Variants in LRRC1 observed in about 807,000 individuals in gnomAD.
The protein encoded by LRRC1 is leucine rich repeat containing 1.
A neutral mutation model predicts 69.9 loss-of-function variants in LRRC1; 28 were observed. That is an observed-to-expected ratio of 0.40 (90% CI 0.30 to 0.55). The LOEUF is 0.55. Ranked by LOEUF, LRRC1 falls within the 20% of genes least tolerant of loss-of-function variation. The pLI, the probability that LRRC1 is intolerant of heterozygous loss-of-function variation, is 0.47. For missense variants in LRRC1, 498 were observed against 609.0 expected (o/e 0.82, Z 1.92); for synonymous variants, 236 against 240.2 (o/e 0.98, Z 0.16).
At chr6:53,869,493 CTTGTAA>C (rs1466888870) in intron 2 of LRRC1, among the ~76,000 whole-genome samples, 2 of 152,154 alleles carry the variant, frequency 1.3e-5, no homozygotes, top group African/African-American at 2.4e-5. Flanking sequence ...TATAGTATCT[CTTGTAA>C]GAGATGTGGC....
chr6:53,869,776 C>G (rs1332345369), intron 2 of LRRC1, among the ~76,000 whole-genome samples: 1 of 152,054 alleles, frequency 6.6e-6, no homozygotes, highest in African/African-American at 2.4e-5. Flanking sequence ...ACAGATCTTA[C>G]AAAGGTGAAG....
chr6:53,917,844 A>G (rs1768616500), intron 11 of LRRC1, among the ~76,000 whole-genome samples: 1 of 152,258 alleles, frequency 6.6e-6, no homozygotes, highest in Non-Finnish European at 1.5e-5. Flanking sequence ...TTAACAGTGT[A>G]TAATGCCTAT....
At chr6:53,796,658 A>G (rs1764311896) in intron 1 of LRRC1, among the ~76,000 whole-genome samples, 1 of 152,170 alleles carries the variant, frequency 6.6e-6, no homozygotes, top group Admixed American at 6.5e-5. Context: ...TTCTTGGATT[A>G]ACTTTCCTGG....
intron 4 of LRRC1, among the ~76,000 whole-genome samples, chr6:53,886,785 T>C (rs1381528962): frequency 2.0e-5 from 3 of 152,182 alleles, no homozygotes; most frequent in Non-Finnish European, 4.4e-5. Context: ...ACAGGTGAAA[T>C]AGATCCCAGA....
intron 1 of LRRC1, among the ~76,000 whole-genome samples, chr6:53,810,877 A>C (rs1001187828): frequency 2.0e-5 from 3 of 152,114 alleles, no homozygotes; most frequent in African/African-American, 7.2e-5. Context: ...CTTCTCTGTG[A>C]AACCCTCCCA....
chr6:53,872,937 A>G (rs748998575), intron 2 of LRRC1, among the ~76,000 whole-genome samples: 2 of 151,600 alleles, frequency 1.3e-5, no homozygotes, highest in Non-Finnish European at 2.9e-5. Context: ...TTGTATTTTT[A>G]GTAGAGATGG....
At chr6:53,849,788 A>G (rs1766068133) in intron 2 of LRRC1, among the ~76,000 whole-genome samples, 1 of 152,204 alleles carries the variant, frequency 6.6e-6, no homozygotes, top group African/African-American at 2.4e-5. Context: ...TGTCGGCTCA[A>G]AGTGAATAAT....
At position 53,883,637 on chromosome 6, in the gene LRRC1, A is replaced by C. The variant is rs573977911; in HGVS notation, c.446+661A>C. On this transcript the variant is annotated intron_variant, in intron 4 of 13. Transcript: ENST00000370888. ...CGAACTAGTTGAATTATCTTTGCAG[A>C]CTTTTTTCACTTTTTCAGGACATAC... is the stretch of plus-strand genomic sequence containing the variant. 2.6e-5 allele frequency among the ~76,000 whole-genome samples: 4 copies of C among 152,324 alleles called. No homozygotes were observed. In the East Asian group the frequency reaches 7.7e-4, roughly 29 times the overall value.
chr6:53,886,321 T>G (rs1295139734), intron 4 of LRRC1, among the ~76,000 whole-genome samples: 1 of 152,158 alleles, frequency 6.6e-6, no homozygotes, highest in East Asian at 1.9e-4. Context: ...CCCAAAACAC[T>G]TCTAGTATCA....
chr6:53,882,830 T>A, intron 3 of LRRC1, 57 bp from the exon 4 acceptor site: 1 of 1,018,944 alleles, frequency 9.8e-7, no homozygotes, highest in Non-Finnish European at 1.5e-6. Flanking sequence ...ATGCTTGGTA[T>A]ACACTATACA....
chr6:53,921,193 C>G (rs1341753374), intron 13 of LRRC1, among the ~76,000 whole-genome samples: 1 of 152,080 alleles, frequency 6.6e-6, no homozygotes, highest in Non-Finnish European at 1.5e-5. Context: ...GTCTACAGTT[C>G]CTGGACTCAA....
intron 2 of LRRC1, among the ~76,000 whole-genome samples, chr6:53,853,630 T>G (rs1766217057): frequency 6.6e-6 from 1 of 152,138 alleles, no homozygotes; most frequent in Non-Finnish European, 1.5e-5. Flanking sequence ...CCATAAAAAG[T>G]AGAAGAGCTT....
chr6:53,919,028 C>T (rs1768653937), intron 11 of LRRC1: 1 of 152,362 alleles, frequency 6.6e-6, no homozygotes, highest in South Asian at 2.1e-4. Context: ...CCGCAGGCAC[C>T]TCCTTCCTCT....
rs1459595142 is a variant in LRRC1, at chr6:53,896,826, T to C, written c.504-3T>C. The C allele has an allele frequency of 1.3e-6, 2 of 1,584,708 alleles. No individual in the cohort carries two copies. Reference sequence around the variant, plus strand: ...AGTGCTCTTTATTTATTTTTTAAAATAGCTCTCTTACCCAGCTGCGAAGAC... The same window carrying C: ...AGTGCTCTTTATTTATTTTTTAAAACAGCTCTCTTACCCAGCTGCGAAGAC... On this transcript the variant is annotated splice_region_variant and splice_polypyrimidine_tract_variant and intron_variant, in intron 5 of 13. Transcript: ENST00000370888.
At chr6:53,856,384 G>A (rs934202817) in intron 2 of LRRC1, among the ~76,000 whole-genome samples, 7 of 152,190 alleles carry the variant, frequency 4.6e-5, no homozygotes, top group African/African-American at 1.7e-4. Flanking sequence ...AGTGTGGAAA[G>A]TCCTGTCTCA....
intron 11 of LRRC1, among the ~76,000 whole-genome samples, chr6:53,914,788 C>T (rs1768515987): frequency 6.6e-6 from 1 of 152,204 alleles, no homozygotes; most frequent in African/African-American, 2.4e-5. Context: ...TCCAGGGAGC[C>T]TCCTTTCTGA....
At chr6:53,920,921 C>T in intron 13 of LRRC1, 160 bp downstream of exon 13, 2 of 741,162 alleles carry the variant, frequency 2.7e-6, no homozygotes, top group Non-Finnish European at 4.3e-6. Context: ...ATTCTAGGTA[C>T]TCACTCACAA....
At chr6:53,873,289 C>CTTTTTTTTT (rs57201410) in intron 2 of LRRC1, among the ~76,000 whole-genome samples, 5 of 136,806 alleles carry the variant, frequency 3.7e-5, no homozygotes, top group Admixed American at 7.3e-5. Flanking sequence ...ACCGATTTTT[C>CTTTTTTTTT]TTTTTTTTTT....
At chr6:53,841,999 T>C in intron 1 of LRRC1, 111 bp from the exon 2 acceptor site, 1 of 650,158 alleles carries the variant, frequency 1.5e-6, no homozygotes. Flanking sequence ...AAATTGATGT[T>C]GCTACAACCT....
Sources: gnomAD v4.1 joint callset for allele counts (sites outside exome capture counted in the v4.1 genomes callset) on GRCh38, gnomAD v4.1.1 for gene constraint, MANE v1.5 for transcripts, NCBI Gene and HGNC (gene_info 2026-07-23, HGNC 2026-07-21) for gene names.